CAMK2A: variants seen among roughly 807,000 people sequenced by gnomAD.
CAMK2A encodes the protein calcium/calmodulin-dependent protein kinase type II subunit alpha.
CAMK2A carries 7 observed loss-of-function variants against 79.2 expected under a neutral mutation model. That is an observed-to-expected ratio of 0.09 (90% CI 0.05 to 0.17). The LOEUF (loss-of-function observed/expected upper bound fraction) is 0.17, where lower values mean the gene tolerates loss of function less well. Among genes scored for constraint, CAMK2A ranks in the 10% least tolerant of loss-of-function variants. The pLI is 1.00. For synonymous variants in CAMK2A, 242 were observed against 251.7 expected (o/e 0.96, Z 0.36); for missense variants, 214 against 646.4 (o/e 0.33, Z 7.25).
At chr5:150,246,859 G>C (rs1755590100) in intron 12 of CAMK2A, among the ~76,000 whole-genome samples, 1 of 152,226 alleles carries the variant, frequency 6.6e-6, no homozygotes, top group Non-Finnish European at 1.5e-5. Context: ...CCCTCTTGCT[G>C]TGGTGCTGGC....
intron 14 of CAMK2A, among the ~76,000 whole-genome samples, chr5:150,239,357 G>A (rs552805272): frequency 2.2e-4 from 33 of 152,250 alleles, no homozygotes; most frequent in Non-Finnish European, 4.0e-4. Flanking sequence ...CCCTCGCCGC[G>A]ATTGGCACAA....
In CAMK2A at chr5:150,222,330, A is replaced by G; in HGVS notation, c.*380T>C. On this transcript the variant is annotated 3_prime_UTR_variant, in exon 19 of 19. Coordinates refer to ENST00000671881, the MANE Select transcript of CAMK2A (RefSeq NM_015981.4). ...GGGACGGACGGATGCTGCCTTCCTC[A>G]TCATGCCACCCCTCCTTCTCCCCAG... The G allele has an allele frequency of 1.6e-6, 1 of 609,792 alleles. No individual in the cohort carries two copies. Among genetic ancestry groups the G allele is most frequent in the East Asian group, 2.7e-5 (1 of 36,478 alleles). The allele number at this position is 609,792 out of a possible 1,614,324, so 37.8% of individuals were successfully genotyped here. A position where few individuals can be genotyped will look rare whatever the true frequency, so the allele number is the denominator to read the frequency against.
intron 7 of CAMK2A, among the ~76,000 whole-genome samples, chr5:150,252,438 T>G (rs1177293832): frequency 6.6e-6 from 1 of 152,160 alleles, no homozygotes; most frequent in African/African-American, 2.4e-5. Flanking sequence ...CAAGATGAAA[T>G]GCACCTGCCA....
At chr5:150,270,937 G>A (rs1432834) in intron 2 of CAMK2A, among the ~76,000 whole-genome samples, 34,697 of 151,872 alleles carry the variant, frequency 0.23, 4,393 homozygotes, top group African/African-American at 0.33. Context: ...CAACGTGCAA[G>A]TGTGTGTGTG....
intron 15 of CAMK2A, among the ~76,000 whole-genome samples, chr5:150,232,232 G>A (rs1030327808): frequency 6.6e-6 from 1 of 152,258 alleles, no homozygotes; most frequent in Non-Finnish European, 1.5e-5. Context: ...GCAACTGCGG[G>A]CCACAAGGTG....
intron 15 of CAMK2A, among the ~76,000 whole-genome samples, chr5:150,237,283 C>T (rs1755120752): frequency 6.6e-6 from 1 of 152,104 alleles, no homozygotes; most frequent in Non-Finnish European, 1.5e-5. Context: ...TGCTCTTTTT[C>T]CCATCTCTGT....
chr5:150,281,396 T>G (rs1423190110), intron 1 of CAMK2A, among the ~76,000 whole-genome samples: 1 of 152,212 alleles, frequency 6.6e-6, no homozygotes, highest in Non-Finnish European at 1.5e-5. Context: ...GAGGTTAGAA[T>G]GCCTGGGGGA....
intron 17 of CAMK2A, among the ~76,000 whole-genome samples, chr5:150,225,752 ATTATTTT>A (rs71587799): frequency 0.65 from 92,108 of 141,128 alleles, 28,088 homozygotes; most frequent in Middle Eastern, 0.77. Flanking sequence ...TATTATTATT[ATTATTTT>A]TTTTAGATGG....
At position 150,222,655 on chromosome 5, in the gene CAMK2A, C is replaced by A; in HGVS notation, c.*55G>T. On this transcript the variant is annotated 3_prime_UTR_variant, in exon 19 of 19. Coordinates refer to ENST00000671881, the MANE Select transcript of CAMK2A (RefSeq NM_015981.4). The stretch of plus-strand genomic sequence containing the variant: ...CCTGGGAGAACCAGCAGCTCCACTC[C>A]ACGGACAGAGTGGATCTCTGCGGCA... 6.3e-7 allele frequency: 1 copy of A among 1,598,860 alleles called. No individual in the cohort carries two copies. Among genetic ancestry groups the A allele is most frequent in the South Asian group, 1.1e-5 (1 of 90,580 alleles).
intron 3 of CAMK2A, 55 bp from the exon 4 acceptor site, chr5:150,257,672 G>A (rs989131899): frequency 5.3e-5 from 73 of 1,383,096 alleles, no homozygotes; most frequent in Non-Finnish European, 5.6e-5. Flanking sequence ...GCACAGGCCC[G>A]CCCTCCCTCT....
upstream of CAMK2A, chr5:150,289,860 C>T: frequency 1.9e-6 from 1 of 537,124 alleles, no homozygotes; most frequent in Non-Finnish European, 3.3e-6. Context: ...ACGCCCTGTT[C>T]CCGTTGCCCC....
At chr5:150,249,304 G>T (rs747605851) in intron 11 of CAMK2A, among the ~76,000 whole-genome samples, 7 of 152,224 alleles carry the variant, frequency 4.6e-5, no homozygotes, top group Non-Finnish European at 1.0e-4. Context: ...GAAGCTCTGG[G>T]ACCACCTGGG....
At chr5:150,238,137 A>G (rs751338856) in intron 15 of CAMK2A, among the ~76,000 whole-genome samples, 2 of 152,224 alleles carry the variant, frequency 1.3e-5, no homozygotes, top group Non-Finnish European at 2.9e-5. Flanking sequence ...TCTAATACAC[A>G]TATAATATAT....
At chr5:150,234,278 C>T (rs1427729665) in intron 15 of CAMK2A, among the ~76,000 whole-genome samples, 1 of 152,160 alleles carries the variant, frequency 6.6e-6, no homozygotes, top group East Asian at 1.9e-4. Flanking sequence ...TGCCTGTTTC[C>T]TGAGGTCTGC....
At chr5:150,265,908 C>A (rs1756492188) in intron 2 of CAMK2A, among the ~76,000 whole-genome samples, 1 of 147,312 alleles carries the variant, frequency 6.8e-6, no homozygotes. Context: ...GCACTCCAGC[C>A]TAGGCGACAG....
intron 9 of CAMK2A, among the ~76,000 whole-genome samples, 177 bp from the exon 10 acceptor site, chr5:150,250,987 C>T (rs964173091): frequency 9.2e-5 from 14 of 152,204 alleles, no homozygotes; most frequent in South Asian, 2.1e-4. Flanking sequence ...CCATACAAAT[C>T]AGAACACGGC....
At chr5:150,280,301 C>T (rs1332209248) in intron 1 of CAMK2A, among the ~76,000 whole-genome samples, 1 of 152,186 alleles carries the variant, frequency 6.6e-6, no homozygotes, top group Admixed American at 6.5e-5. Flanking sequence ...CTCTGTTCTC[C>T]GTGGGGGTCT....
chr5:150,245,046 G>A (rs187804976), intron 13 of CAMK2A, 115 bp downstream of exon 13: 47 of 1,029,824 alleles, frequency 4.6e-5, no homozygotes, highest in Admixed American at 8.2e-5. Context: ...TGTGGCCCAC[G>A]TCTGCCCAGG....
chr5:150,260,560 A>T (rs1329978235), intron 3 of CAMK2A, among the ~76,000 whole-genome samples: 1 of 152,140 alleles, frequency 6.6e-6, no homozygotes, highest in East Asian at 1.9e-4. Flanking sequence ...CCCTTTGGTA[A>T]GTTGGTGCAT....
Sources: gnomAD v4.1 joint callset for allele counts (sites outside exome capture counted in the v4.1 genomes callset) on GRCh38, gnomAD v4.1.1 for gene constraint, MANE v1.5 for transcripts, NCBI Gene and HGNC (gene_info 2026-07-23, HGNC 2026-07-21) for gene names.